Variants in SPPL3 observed in about 807,000 individuals in gnomAD.
The protein encoded by SPPL3 is signal peptide peptidase-like 3.
Under a neutral mutation model 42.4 loss-of-function variants are expected in SPPL3, and 5 were observed. The ratio of observed to expected loss-of-function variants is 0.12; its 90% confidence interval spans 0.06 to 0.25. The LOEUF (loss-of-function observed/expected upper bound fraction) is 0.25, where lower values mean the gene tolerates loss of function less well. Ranked by LOEUF, SPPL3 falls within the 10% of genes least tolerant of loss-of-function variation. The probability of loss-of-function intolerance (pLI) is 1.00; values close to 1 mark genes in which losing one functional copy is unlikely to be tolerated. For synonymous variants in SPPL3, 195 were observed against 181.8 expected (o/e 1.07, Z -0.58); for missense variants, 235 against 489.0 (o/e 0.48, Z 4.90).
intron 1 of SPPL3, among the ~76,000 whole-genome samples, chr12:120,833,885 G>A (rs886470922): frequency 1.3e-5 from 2 of 151,832 alleles, no homozygotes; most frequent in Admixed American, 1.3e-4. Flanking sequence ...GGCTCTAAAT[G>A]CGGGGCTACA....
At chr12:120,885,062 C>CA (rs1278365661) in intron 1 of SPPL3, among the ~76,000 whole-genome samples, 1 of 151,640 alleles carries the variant, frequency 6.6e-6, no homozygotes, top group East Asian at 1.9e-4. Flanking sequence ...TGGGAACAAA[C>CA]AAAAAAACCC....
intron 3 of SPPL3, among the ~76,000 whole-genome samples, chr12:120,789,691 G>A (rs1210096278): frequency 6.6e-6 from 1 of 151,478 alleles, no homozygotes; most frequent in African/African-American, 2.4e-5. Flanking sequence ...CAGGCATGGT[G>A]GCGAGCGCCT....
At chr12:120,839,616 C>A (rs1238823670) in intron 1 of SPPL3, among the ~76,000 whole-genome samples, 1 of 152,046 alleles carries the variant, frequency 6.6e-6, no homozygotes, top group African/African-American at 2.4e-5. Context: ...ACTAAAATTC[C>A]TAACTCTGCA....
At position 120,871,780 on chromosome 12, in the gene SPPL3, G is replaced by A. The variant is rs528214287; in HGVS notation, c.23+32065C>T. On this transcript the variant is annotated intron_variant, in intron 1 of 10. Coordinates refer to ENST00000353487, the MANE Select transcript of SPPL3 (RefSeq NM_139015.5). ...GGGAGGGATAAAAAAAAAGGGCACA[G>A]TATTTGCATATAACCTGCACATATC... Among the ~76,000 whole-genome samples the A allele has an allele frequency of 2.0e-5, 3 of 152,184 alleles. No individual in the cohort carries two copies. In the South Asian group the frequency reaches 6.2e-4, roughly 32 times the overall value.
At chr12:120,852,803 C>CATACG (rs1872291811) in intron 1 of SPPL3, among the ~76,000 whole-genome samples, 1 of 52,786 alleles carries the variant, frequency 1.9e-5, no homozygotes, top group Non-Finnish European at 3.6e-5. Context: ...ATCATATATA[C>CATACG]ATATATGAAA....
chr12:120,812,607 C>A (rs1269511899), intron 1 of SPPL3, among the ~76,000 whole-genome samples: 7 of 152,054 alleles, frequency 4.6e-5, no homozygotes, highest in Non-Finnish European at 7.4e-5. Context: ...AGGATCAAGG[C>A]CTGGGAAATC....
At chr12:120,810,654 A>T (rs1870652658) in intron 2 of SPPL3, among the ~76,000 whole-genome samples, 155 bp downstream of exon 2, 1 of 152,214 alleles carries the variant, frequency 6.6e-6, no homozygotes. Flanking sequence ...AACAGCAGCC[A>T]ATTAAAGAAC....
chr12:120,852,721 T>TC (rs1872278155), intron 1 of SPPL3, among the ~76,000 whole-genome samples: 1 of 6,812 alleles, frequency 1.5e-4, no homozygotes, highest in African/African-American at 3.2e-4. Context: ...AAATATATTT[T>TC]ATATATAATA....
chr12:120,891,957 T>C (rs1151865), intron 1 of SPPL3, among the ~76,000 whole-genome samples: 137,176 of 152,192 alleles, frequency 0.9, 62,691 homozygotes, highest in East Asian at 1. Context: ...ATGTCTCCCT[T>C]AGCTGAGTCC....
intron 10 of SPPL3, among the ~76,000 whole-genome samples, chr12:120,765,481 T>C (rs746891075): frequency 1.9e-4 from 29 of 151,930 alleles, no homozygotes; most frequent in Non-Finnish European, 3.5e-4. Flanking sequence ...AGAGACAGGG[T>C]TTCACCATAT....
Position 120,764,095 on chromosome 12 carries a change from G to A in SPPL3, c.*904C>T, listed in dbSNP as rs1048288679. 5 of 152,472 alleles carry A rather than the reference G, an allele frequency of 3.3e-5. No individual in the cohort carries two copies. The highest frequency in any genetic ancestry group is 1.2e-4 in the African/African-American group (5 of 41,378). 9.4% of individuals were successfully genotyped at this position (152,472 alleles called of 1,614,324 possible). On this transcript the variant is annotated 3_prime_UTR_variant, in exon 11 of 11. Transcript: ENST00000353487. ...GCTACACTGATCAAAACCAAGTAAGGGCTCCTGAAGTCCATGAGTCTATCA... is the reference window on the plus strand; with the variant it reads ...GCTACACTGATCAAAACCAAGTAAGAGCTCCTGAAGTCCATGAGTCTATCA...
At chr12:120,893,774 G>C (rs1873716387) in intron 1 of SPPL3, among the ~76,000 whole-genome samples, 1 of 152,054 alleles carries the variant, frequency 6.6e-6, no homozygotes, top group South Asian at 2.1e-4. Context: ...AGCCTCTTCT[G>C]ATTCCTCTTC....
chr12:120,792,574 C>A (rs1229697917), intron 2 of SPPL3, among the ~76,000 whole-genome samples: 1 of 151,726 alleles, frequency 6.6e-6, no homozygotes, highest in African/African-American at 2.4e-5. Flanking sequence ...GTGGTGCGTG[C>A]CGGTAGTTCC....
intron 1 of SPPL3, among the ~76,000 whole-genome samples, chr12:120,827,791 T>C (rs1203661645): frequency 7.7e-6 from 1 of 130,316 alleles, no homozygotes. Context: ...AAGTCTCAAA[T>C]AATTTTTTTT....
At chr12:120,852,840 TGA>T (rs71660065) in intron 1 of SPPL3, among the ~76,000 whole-genome samples, 2,156 of 38,726 alleles carry the variant, frequency 0.056, 196 homozygotes, top group East Asian at 0.24. Flanking sequence ...TATATACATA[TGA>T]TATATGAAAT....
intron 1 of SPPL3, among the ~76,000 whole-genome samples, chr12:120,897,737 A>G (rs1223042817): frequency 6.6e-6 from 1 of 152,182 alleles, no homozygotes; most frequent in East Asian, 1.9e-4. Context: ...AATAATAATA[A>G]TAATGAGCAA....
intron 1 of SPPL3, among the ~76,000 whole-genome samples, chr12:120,859,494 T>C (rs1030332125): frequency 6.6e-6 from 1 of 152,192 alleles, no homozygotes; most frequent in African/African-American, 2.4e-5. Flanking sequence ...CATTATTACT[T>C]TGACAAAAAA....
At chr12:120,784,250 C>T (rs981989440) in intron 4 of SPPL3, 9 of 363,916 alleles carry the variant, frequency 2.5e-5, no homozygotes, top group African/African-American at 4.3e-5. Flanking sequence ...CGTCTCCAGC[C>T]TTTCTTTCAG....
At chr12:120,771,705 C>T (rs73227036) in intron 6 of SPPL3, among the ~76,000 whole-genome samples, 6,381 of 152,170 alleles carry the variant, frequency 0.042, 183 homozygotes, top group South Asian at 0.11. Flanking sequence ...GTTCTGCAAA[C>T]ACAGGTTTGA....
Sources: gnomAD v4.1 joint callset for allele counts (sites outside exome capture counted in the v4.1 genomes callset) on GRCh38, gnomAD v4.1.1 for gene constraint, MANE v1.5 for transcripts, NCBI Gene and HGNC (gene_info 2026-07-23, HGNC 2026-07-21) for gene names.